Variants in CTTNBP2NL observed in about 807,000 individuals in gnomAD.
CTTNBP2NL encodes CTTNBP2 N-terminal like.
A neutral mutation model predicts 32.5 loss-of-function variants in CTTNBP2NL; 16 were observed. The ratio of observed to expected loss-of-function variants is 0.49; its 90% CI spans 0.33 to 0.75. The LOEUF (loss-of-function observed/expected upper bound fraction) is 0.75. Among genes scored for constraint, CTTNBP2NL ranks in the 30% least tolerant of loss-of-function variants. CTTNBP2NL has a pLI of 0.02. For synonymous variants in CTTNBP2NL, 298 were observed against 289.4 expected (o/e 1.03, Z -0.30); for missense variants, 645 against 756.0 (o/e 0.85, Z 1.72).
chr1:112,393,336 A>T (rs750318799), upstream of CTTNBP2NL, among the ~76,000 whole-genome samples: 2 of 152,240 alleles, frequency 1.3e-5, no homozygotes, highest in African/African-American at 4.8e-5. Flanking sequence ...ACCAGCAATA[A>T]ACATTTATGG....
chr1:112,455,416 T>C (rs1478223319), intron 5 of CTTNBP2NL, among the ~76,000 whole-genome samples: 2 of 152,086 alleles, frequency 1.3e-5, no homozygotes, highest in African/African-American at 2.4e-5. Flanking sequence ...GGCAGGAGAA[T>C]CGCTTGAACC....
intron 4 of CTTNBP2NL, among the ~76,000 whole-genome samples, chr1:112,452,599 C>T (rs1159689846): frequency 6.7e-6 from 1 of 148,430 alleles, no homozygotes; most frequent in Non-Finnish European, 1.5e-5. Flanking sequence ...CTGCTTTGGC[C>T]TCCCAAAGTG....
At chr1:112,449,284 G>T in intron 4 of CTTNBP2NL, 112 bp downstream of exon 4, 1 of 614,524 alleles carries the variant, frequency 1.6e-6, no homozygotes. Context: ...GACATCTCAC[G>T]GGTATCAAAA....
chr1:112,391,465 T>C (rs1448109567), upstream of CTTNBP2NL, among the ~76,000 whole-genome samples: 1 of 152,176 alleles, frequency 6.6e-6, no homozygotes, highest in Non-Finnish European at 1.5e-5. Context: ...CCCAGATGTT[T>C]AGTTGGAGCC....
intron 3 of CTTNBP2NL, among the ~76,000 whole-genome samples, chr1:112,430,819 G>A (rs899972884): frequency 3.9e-5 from 6 of 152,044 alleles, no homozygotes; most frequent in African/African-American, 7.2e-5. Flanking sequence ...TCTTGACCTC[G>A]TGATCTGCCT....
chr1:112,431,281 T>A (rs1649563437), intron 3 of CTTNBP2NL, among the ~76,000 whole-genome samples: 1 of 152,242 alleles, frequency 6.6e-6, no homozygotes, highest in Non-Finnish European at 1.5e-5. Flanking sequence ...CTTGCATGTG[T>A]TAGCCTTGTG....
At chr1:112,428,906 T>C (rs1649480713) in intron 3 of CTTNBP2NL, among the ~76,000 whole-genome samples, 3 of 152,318 alleles carry the variant, frequency 2.0e-5, no homozygotes, top group African/African-American at 2.4e-5. Context: ...ATTTGTTTTA[T>C]AGTGGCAAGA....
At chr1:112,421,963 T>A (rs775009885) in intron 3 of CTTNBP2NL, among the ~76,000 whole-genome samples, 2 of 152,248 alleles carry the variant, frequency 1.3e-5, no homozygotes, top group African/African-American at 4.8e-5. Context: ...TTTGTTTTTT[T>A]AAAACAGCTT....
chr1:112,430,028 T>C (rs1649513144), intron 3 of CTTNBP2NL, among the ~76,000 whole-genome samples: 1 of 152,076 alleles, frequency 6.6e-6, no homozygotes, highest in Non-Finnish European at 1.5e-5. Context: ...GGCCAAAAGG[T>C]ACAGGACAGG....
intron 4 of CTTNBP2NL, among the ~76,000 whole-genome samples, chr1:112,452,976 ATAGTGGTGTATGCCTGT>A (rs1294387838): frequency 1.4e-5 from 2 of 144,404 alleles, no homozygotes; most frequent in African/African-American, 5.2e-5. Flanking sequence ...TCAGCAGGCC[ATAGTGGTGTATGCCTGT>A]AGTCTCAGCT....
intron 1 of CTTNBP2NL, among the ~76,000 whole-genome samples, chr1:112,410,316 C>G (rs927167090): frequency 6.6e-6 from 1 of 151,284 alleles, no homozygotes; most frequent in Non-Finnish European, 1.5e-5. Context: ...AGCTTGAACC[C>G]GGGAGGCGAA....
chr1:112,419,735 T>A lies in CTTNBP2NL; in HGVS notation c.99+3471T>A, dbSNP rs147896967. ...ATAAGCCTGTGAAGAGAGTTTGCAT[T>A]TTTTAAAAAAATCAGATATTAGCTT... On this transcript the variant is annotated intron_variant, in intron 3 of 5. Transcript: ENST00000271277. Among the ~76,000 whole-genome samples the A allele has an allele frequency of 5.9e-5, 9 of 152,288 alleles. No homozygotes were observed. In the East Asian group the frequency reaches 1.7e-3, roughly 29 times the overall value.
At chr1:112,424,741 T>G (rs1419149598) in intron 3 of CTTNBP2NL, among the ~76,000 whole-genome samples, 6 of 152,340 alleles carry the variant, frequency 3.9e-5, no homozygotes, top group African/African-American at 1.2e-4. Context: ...ACATTTTTTT[T>G]GTCAGATTTA....
At chr1:112,419,293 TGTGA>T (rs1341565462) in intron 3 of CTTNBP2NL, among the ~76,000 whole-genome samples, 1 of 152,186 alleles carries the variant, frequency 6.6e-6, no homozygotes, top group Admixed American at 6.5e-5. Context: ...GTTTAACTGT[TGTGA>T]GTTTTTTCAG....
chr1:112,416,885 A>G (rs1347354197), intron 3 of CTTNBP2NL, among the ~76,000 whole-genome samples: 1 of 152,160 alleles, frequency 6.6e-6, no homozygotes, highest in Non-Finnish European at 1.5e-5. Context: ...AAATGTACAT[A>G]CATCCATATA....
At chr1:112,420,871 T>C (rs1285805199) in intron 3 of CTTNBP2NL, among the ~76,000 whole-genome samples, 10 of 152,168 alleles carry the variant, frequency 6.6e-5, no homozygotes, top group African/African-American at 2.4e-4. Context: ...AACCAGAACA[T>C]TCAATTAAGT....
upstream of CTTNBP2NL, among the ~76,000 whole-genome samples, chr1:112,395,932 G>A (rs1326355603): frequency 6.6e-6 from 1 of 152,236 alleles, no homozygotes; most frequent in African/African-American, 2.4e-5. Context: ...GACTTTTCAC[G>A]CAGAGGTGGA....
chr1:112,439,002 A>G (rs934525009), intron 3 of CTTNBP2NL, among the ~76,000 whole-genome samples: 9 of 152,198 alleles, frequency 5.9e-5, no homozygotes, highest in Non-Finnish European at 8.8e-5. Context: ...TTGAAACCGA[A>G]TAACTAGCTA....
intron 3 of CTTNBP2NL, among the ~76,000 whole-genome samples, chr1:112,426,241 T>A (rs924129280): frequency 3.0e-4 from 46 of 152,244 alleles, no homozygotes; most frequent in African/African-American, 1.1e-3. Context: ...AGCATAAAAA[T>A]TTTTATGTCC....
Sources: gnomAD v4.1 joint callset for allele counts (sites outside exome capture counted in the v4.1 genomes callset) on GRCh38, gnomAD v4.1.1 for gene constraint, MANE v1.5 for transcripts, NCBI Gene and HGNC (gene_info 2026-07-23, HGNC 2026-07-21) for gene names.